Variants in BCAS3 observed in about 807,000 individuals in gnomAD.
The protein encoded by BCAS3 is BCAS4/BCAS3 fusion.
In BCAS3, 53 loss-of-function variants were observed where a neutral mutation model predicts 116.1. That is an observed-to-expected ratio of 0.46 (90% CI 0.37 to 0.57). The LOEUF (loss-of-function observed/expected upper bound fraction) is 0.57, where lower values mean the gene tolerates loss of function less well. Among genes scored for constraint, BCAS3 ranks in the 20% least tolerant of loss-of-function variants. The probability of loss-of-function intolerance (pLI) is 0.00; values close to 1 mark genes in which losing one functional copy is unlikely to be tolerated. For missense variants in BCAS3, 917 were observed against 1,165.4 expected (o/e 0.79, Z 3.10); for synonymous variants, 391 against 408.2 (o/e 0.96, Z 0.51).
chr17:60,820,651 A>T (rs1044759731), intron 7 of BCAS3, among the ~76,000 whole-genome samples: 59 of 152,304 alleles, frequency 3.9e-4, no homozygotes, highest in Non-Finnish European at 7.8e-4. Flanking sequence ...AATGCTAATT[A>T]AAAAAATTTA....
intron 7 of BCAS3, among the ~76,000 whole-genome samples, chr17:60,846,683 T>C (rs78038058): frequency 0.031 from 4,699 of 152,188 alleles, 187 homozygotes; most frequent in East Asian, 0.092. Flanking sequence ...CTATCTTTAT[T>C]TTCCTCTCTG....
intron 6 of BCAS3, among the ~76,000 whole-genome samples, chr17:60,757,117 C>A (rs568621671): frequency 6.6e-6 from 1 of 151,650 alleles, no homozygotes; most frequent in South Asian, 2.1e-4. Context: ...GAGCCGAGAT[C>A]GCACCACTGC....
At chr17:61,280,930 T>TA (rs2051189701) in intron 22 of BCAS3, among the ~76,000 whole-genome samples, 1 of 152,162 alleles carries the variant, frequency 6.6e-6, no homozygotes, top group Non-Finnish European at 1.5e-5. Context: ...CCGCAGTATC[T>TA]AAGCCTTCTA....
intron 6 of BCAS3, 72 bp downstream of exon 6, chr17:60,747,351 G>A: frequency 4.0e-6 from 5 of 1,236,160 alleles, no homozygotes; most frequent in Middle Eastern, 4.2e-4. Context: ...ACTACAGGCA[G>A]CAAGAATGAT....
At chr17:61,093,285 C>A (rs1601173786) in intron 22 of BCAS3, among the ~76,000 whole-genome samples, 1 of 152,060 alleles carries the variant, frequency 6.6e-6, no homozygotes, top group African/African-American at 2.4e-5. Flanking sequence ...TGATCCTTTT[C>A]AAATTAATTT....
intron 7 of BCAS3, among the ~76,000 whole-genome samples, chr17:60,812,725 CAATT>C (rs370791033): frequency 3.3e-5 from 5 of 151,942 alleles, no homozygotes; most frequent in African/African-American, 9.6e-5. Context: ...GAGTTTATGA[CAATT>C]AAGTTTGTGT....
At chr17:60,767,808 T>C (rs2044268773) in intron 6 of BCAS3, among the ~76,000 whole-genome samples, 1 of 152,064 alleles carries the variant, frequency 6.6e-6, no homozygotes, top group Non-Finnish European at 1.5e-5. Flanking sequence ...TTTATTTATT[T>C]ACATTCTTTA....
At chr17:61,014,588 A>G (rs1201736392) in intron 15 of BCAS3, among the ~76,000 whole-genome samples, 2 of 152,052 alleles carry the variant, frequency 1.3e-5, no homozygotes, top group Non-Finnish European at 2.9e-5. Flanking sequence ...AATAAATCAC[A>G]GTTTGCTTTT....
chr17:61,231,664 C>A (rs2082684451), intron 22 of BCAS3, among the ~76,000 whole-genome samples: 1 of 151,936 alleles, frequency 6.6e-6, no homozygotes, highest in Admixed American at 6.5e-5. Context: ...ACAGCTTGAG[C>A]CCAGGAATTT....
intron 14 of BCAS3, among the ~76,000 whole-genome samples, chr17:60,948,135 C>T (rs555942002): frequency 1.3e-5 from 2 of 151,954 alleles, no homozygotes; most frequent in Non-Finnish European, 1.5e-5. Flanking sequence ...GTTGGAGTCT[C>T]GCTCTGTTGC....
At chr17:60,801,059 T>C (rs113888812) in intron 6 of BCAS3, among the ~76,000 whole-genome samples, 1 of 152,162 alleles carries the variant, frequency 6.6e-6, no homozygotes, top group Non-Finnish European at 1.5e-5. Context: ...TACCTTTCCA[T>C]AAAATTTTAG....
At chr17:61,218,845 G>C (rs1287833599) in intron 22 of BCAS3, among the ~76,000 whole-genome samples, 1 of 152,170 alleles carries the variant, frequency 6.6e-6, no homozygotes, top group Non-Finnish European at 1.5e-5. Context: ...TCACCCAAAA[G>C]TGTACCAGTT....
chr17:60,900,198 A>AAAAG (rs60614816), intron 10 of BCAS3: 40,306 of 148,302 alleles, frequency 0.27, 9,147 homozygotes, highest in African/African-American at 0.64. Flanking sequence ...AAAAAAAAAA[A>AAAAG]AAAGAAAGAA....
chr17:61,347,728 G>A lies in BCAS3; in HGVS notation c.2426-20599G>A, dbSNP rs1409889620. ...GGTGCTATGTGAAGGTAAGCCTAGGGTGTTGTGGGGGCCGGTAGGAAGACC... is the reference window on the plus strand; with the variant it reads ...GGTGCTATGTGAAGGTAAGCCTAGGATGTTGTGGGGGCCGGTAGGAAGACC... On this transcript the variant is annotated intron_variant, in intron 22 of 23. Coordinates refer to ENST00000407086, the MANE Select transcript of BCAS3 (RefSeq NM_017679.5). The surrounding 1 kb of genome is among the most constrained non-coding windows in gnomAD (Gnocchi z 4.3). Among the ~76,000 whole-genome samples, 4 of 152,208 alleles carry A rather than the reference G, an allele frequency of 2.6e-5. No individual in the cohort carries two copies. Among genetic ancestry groups the A allele is most frequent in the Non-Finnish European group, 5.9e-5 (4 of 68,030 alleles).
In BCAS3 at chr17:60,990,002, G is replaced by A. The variant is rs1221763795; in HGVS notation, c.1253G>A (p.Arg418His). The A allele has an allele frequency of 3.1e-6, 5 of 1,613,974 alleles. No individual in the cohort carries two copies. Among genetic ancestry groups the A allele is most frequent in the East Asian group, 2.2e-5 (1 of 44,878 alleles). ...GACATCTGCTTCAGCCATGACTGTC[G>A]CTGGGTTGTGGTCAGTACTCTCCGG... The part of the protein sequence containing the change: ...VQDICFSHDC[R>H]WVVVSTLRGT... Residue 418 changes from arginine (R) to histidine (H), a missense_variant, in exon 15 of 24, where the codon CGC becomes CAC. Coordinates refer to ENST00000407086, the MANE Select transcript of BCAS3 (RefSeq NM_017679.5). The surrounding 1 kb of genome is among the most constrained non-coding windows in gnomAD (Gnocchi z 5.1).
At chr17:60,680,966 G>A (rs191160878) in intron 2 of BCAS3, among the ~76,000 whole-genome samples, 119 of 152,296 alleles carry the variant, frequency 7.8e-4, no homozygotes, top group African/African-American at 2.5e-3. Flanking sequence ...TATACTTGAA[G>A]GCTGACATGG....
chr17:60,829,613 A>T (rs1037336798), intron 7 of BCAS3, among the ~76,000 whole-genome samples: 8 of 152,052 alleles, frequency 5.3e-5, no homozygotes, highest in African/African-American at 1.9e-4. Context: ...GTGGATATGA[A>T]CATTTCTATA....
intron 23 of BCAS3, among the ~76,000 whole-genome samples, chr17:61,385,079 CAG>C (rs1326551685): frequency 6.6e-6 from 1 of 152,182 alleles, no homozygotes; most frequent in African/African-American, 2.4e-5. Flanking sequence ...ACAAGGCTGT[CAG>C]GGGCTTAGAG....
intron 22 of BCAS3, among the ~76,000 whole-genome samples, chr17:61,319,900 T>TA (rs568754472): frequency 9.6e-4 from 144 of 150,666 alleles, no homozygotes; most frequent in African/African-American, 2.2e-3. Flanking sequence ...TTTTTTATTT[T>TA]TTTTTTTTGA....
Sources: allele counts gnomAD v4.1 joint callset (sites outside exome capture counted in the v4.1 genomes callset), GRCh38; gene constraint gnomAD v4.1.1; non-coding constraint Gnocchi (gnomAD v3.1); transcripts MANE v1.5; gene names NCBI Gene and HGNC (gene_info 2026-07-23, HGNC 2026-07-21).